The following TPT1 variants were observed in gnomAD, a reference collection of about 807,000 sequenced individuals.
TPT1 encodes translationally-controlled tumor protein.
TPT1 carries 5 observed loss-of-function variants against 22.8 expected under a neutral mutation model. The observed-to-expected ratio is 0.22, with a 90% CI of 0.11 to 0.46. TPT1 has a LOEUF of 0.46. Ranked by LOEUF, TPT1 falls within the 20% of genes least tolerant of loss-of-function variation. The probability of loss-of-function intolerance (pLI) is 0.99; values close to 1 mark genes in which losing one functional copy is unlikely to be tolerated. For synonymous variants in TPT1, 89 were observed against 73.6 expected, an observed-to-expected ratio of 1.21 and a Z score of -1.07; for missense variants, 130 against 218.7, an observed-to-expected ratio of 0.59 and a Z score of 2.56.
intron 1 of TPT1, 59 bp downstream of exon 1, chr13:45,340,983 C>T (rs1879085976): frequency 1.9e-6 from 3 of 1,579,120 alleles, no homozygotes; most frequent in African/African-American, 1.4e-5. Context: ...CCTTCCCCGC[C>T]CCCACCCGCA....
At position 45,333,864 on chromosome 13, in the gene TPT1, C is replaced by T. The variant is rs984698651; in HGVS notation, c.*3522G>A. On this transcript the variant is annotated 3_prime_UTR_variant, in exon 6 of 6. Coordinates refer to ENST00000530705, the MANE Select transcript of TPT1 (RefSeq NM_003295.4). Reference sequence around the variant, plus strand: ...AGGTAACCCTGTTGACTACTTCCTCCTTCCTAAAACTTTTTCCACCTGACC... The same window carrying T: ...AGGTAACCCTGTTGACTACTTCCTCTTTCCTAAAACTTTTTCCACCTGACC... 1 of 152,188 alleles carries T rather than the reference C, an allele frequency of 6.6e-6. No individual in the cohort carries two copies. Among genetic ancestry groups the T allele is most frequent in the Non-Finnish European group, 1.5e-5 (1 of 68,030 alleles). 9.4% of individuals were successfully genotyped at this position (152,188 alleles called of 1,614,324 possible).
chr13:45,339,742 G>T, intron 3 of TPT1, 140 bp from the exon 4 acceptor site: 1 of 789,530 alleles, frequency 1.3e-6, no homozygotes, highest in African/African-American at 1.7e-5. Flanking sequence ...TTCACAGAAG[G>T]TATCTTTCAA....
Position 45,340,111 on chromosome 13 carries a change from C to T in TPT1, c.176G>A (p.Gly59Asp). Residue 59 changes from glycine to aspartate, a missense_variant, in exon 3 of 6, where the codon GGC (glycine) becomes GAC (aspartate). Coordinates refer to ENST00000530705, the MANE Select transcript of TPT1 (RefSeq NM_003295.4). The stretch of plus-strand genomic sequence containing the variant: ...GATTACTGTGCTTTCGGTACCTTCG[C>T]CCTCGGGGCCTTCAGCGGAGGCATT... The part of the protein sequence containing the change: ...GGNASAEGPE[G>D]EGTESTVITG... 6.2e-7 allele frequency: 1 copy of T among 1,614,172 alleles called. No individual in the cohort carries two copies.
Position 45,340,194 on chromosome 13 carries a change from G to T in TPT1, c.103-10C>A, listed in dbSNP as rs1555278697. ...CTGTCCTACTGACCATCTGCATTAA[G>T]AAAAAGCAGTATAATTGCAAAAGAC... On this transcript the variant is annotated splice_polypyrimidine_tract_variant and intron_variant, in intron 2 of 5. Coordinates refer to ENST00000530705, the MANE Select transcript of TPT1 (RefSeq NM_003295.4). The T allele has an allele frequency of 6.2e-7, 1 of 1,602,750 alleles. No individual in the cohort carries two copies. The highest frequency in any genetic ancestry group is 8.5e-7 in the Non-Finnish European group (1 of 1,173,934).
At chr13:45,339,945 A>T in intron 3 of TPT1, 49 bp downstream of exon 3, 2 of 1,590,320 alleles carry the variant, frequency 1.3e-6, no homozygotes, top group Non-Finnish European at 1.7e-6. Flanking sequence ...CCAATCTTTA[A>T]ATCCTGTAAG....
Position 45,336,449 on chromosome 13 carries a change from T to G in TPT1, c.*937A>C, listed in dbSNP as rs936890343. 8 of 152,222 alleles carry G rather than the reference T, an allele frequency of 5.3e-5. No homozygotes were observed. Among genetic ancestry groups the G allele is most frequent in the Non-Finnish European group, 1.2e-4 (8 of 68,036 alleles). 9.4% of individuals were successfully genotyped at this position (152,222 alleles called of 1,614,324 possible). Reference sequence around the variant, plus strand: ...TCCAGGTCTGTCAAATAGATGCATTTTCTTATTCAGACACCCCATCTTTTC... The same window carrying G: ...TCCAGGTCTGTCAAATAGATGCATTGTCTTATTCAGACACCCCATCTTTTC... On this transcript the variant is annotated 3_prime_UTR_variant, in exon 6 of 6. Coordinates refer to ENST00000530705, the MANE Select transcript of TPT1 (RefSeq NM_003295.4).
rs1299559202 is a variant in TPT1, at chr13:45,337,229, A to G, written c.*157T>C. The G allele has an allele frequency of 4.1e-6, 3 of 731,106 alleles. No homozygotes were observed. Among genetic ancestry groups the G allele is most frequent in the Non-Finnish European group, 6.9e-6 (3 of 435,950 alleles). 45.3% of individuals were successfully genotyped at this position (731,106 alleles called of 1,614,324 possible). On this transcript the variant is annotated 3_prime_UTR_variant, in exon 6 of 6. Transcript: ENST00000530705. The stretch of plus-strand genomic sequence containing the variant: ...CAACCTACATGACATGTTTTTCTTA[A>G]AAACAATGCCTCCACTCCAAATAAA...
chr13:45,338,425 GTACTT>G (rs2137548829), intron 5 of TPT1: 1 of 757,042 alleles, frequency 1.3e-6, no homozygotes, highest in African/African-American at 1.8e-5. Flanking sequence ...AGCCTAAACT[GTACTT>G]TATTATGCCC....
intron 5 of TPT1, chr13:45,338,409 ACAC>A: frequency 3.3e-6 from 2 of 611,732 alleles, no homozygotes; most frequent in Non-Finnish European, 5.0e-6. Context: ...GTGAGCCACC[ACAC>A]CCAGCCTAAA....
Position 45,335,966 on chromosome 13 carries a change from ATCTT to A in TPT1, c.*1416_*1419del, listed in dbSNP as rs893523344. 9 of 152,266 alleles carry A rather than the reference ATCTT, an allele frequency of 5.9e-5. No individual in the cohort carries two copies. Among genetic ancestry groups the A allele is most frequent in the African/African-American group, 1.9e-4 (8 of 41,548 alleles). The allele number at this position is 152,266 out of a possible 1,614,324, so 9.4% of individuals were successfully genotyped here. On this transcript the variant is annotated 3_prime_UTR_variant, in exon 6 of 6. Coordinates refer to ENST00000530705, the MANE Select transcript of TPT1 (RefSeq NM_003295.4). Reference sequence around the variant, plus strand: ...GACCAGAGTCACTGGCCTGCTTTTAATCTTTCTTTTACAAGTGTAATCAACCAGG... The same window carrying A: ...GACCAGAGTCACTGGCCTGCTTTTAATCTTTTACAAGTGTAATCAACCAGG...
At position 45,336,701 on chromosome 13, in the gene TPT1, C is replaced by A. The variant is rs932189768; in HGVS notation, c.*685G>T. The A allele has an allele frequency of 6.6e-6, 1 of 152,262 alleles. No homozygotes were observed. Among genetic ancestry groups the A allele is most frequent in the Admixed American group, 6.5e-5 (1 of 15,282 alleles). The allele number at this position is 152,262 out of a possible 1,614,324, so 9.4% of individuals were successfully genotyped here. A position where few individuals can be genotyped will look rare whatever the true frequency, so the allele number is the denominator to read the frequency against. On this transcript the variant is annotated 3_prime_UTR_variant, in exon 6 of 6. Transcript: ENST00000530705. ...TAAATTCCATATCCCACAAGGTATT[C>A]TTTTCCCCTCAACCATTTAAAAAGG...
intron 1 of TPT1, 68 bp from the exon 2 acceptor site, chr13:45,340,853 G>A (rs867417195): frequency 4.8e-6 from 7 of 1,470,994 alleles, no homozygotes; most frequent in South Asian, 1.4e-5. Context: ...TTCCCGCGCC[G>A]GCGGCCGCAC....
At position 45,336,657 on chromosome 13, in the gene TPT1, A is replaced by T. The variant is rs1226089667; in HGVS notation, c.*729T>A. ...AATGAATAAGCATAGCCACGTTCCAATAAAACTGGACTCGAACTTAAATTC... is the reference window on the plus strand; with the variant it reads ...AATGAATAAGCATAGCCACGTTCCATTAAAACTGGACTCGAACTTAAATTC... On this transcript the variant is annotated 3_prime_UTR_variant, in exon 6 of 6. Transcript: ENST00000530705. 1 of 152,314 alleles carries T rather than the reference A, an allele frequency of 6.6e-6. No homozygotes were observed. The highest frequency in any genetic ancestry group is 1.5e-5 in the Non-Finnish European group (1 of 68,118). The allele number at this position is 152,314 out of a possible 1,614,324, so 9.4% of individuals were successfully genotyped here.
chr13:45,339,884 G>T, intron 3 of TPT1, 110 bp downstream of exon 3: 2 of 1,248,758 alleles, frequency 1.6e-6, no homozygotes, highest in Non-Finnish European at 1.1e-6. Context: ...TAATAAAAAA[G>T]CAAGGACTTT....
chr13:45,339,979 G>A lies in TPT1; in HGVS notation c.293+15C>T, dbSNP rs894061657. On this transcript the variant is annotated intron_variant, in intron 3 of 5. Coordinates refer to ENST00000530705, the MANE Select transcript of TPT1 (RefSeq NM_003295.4). ...AGATTCTAGACATCAGCTAGGTACT[G>A]CCAGTATCACTTACGATTTCATGTA... The A allele has an allele frequency of 5.0e-6, 8 of 1,613,238 alleles. No individual in the cohort carries two copies. The highest frequency in any genetic ancestry group is 1.7e-5 in the Admixed American group (1 of 59,934).
At position 45,339,550 on chromosome 13, in the gene TPT1, T is replaced by A; in HGVS notation, c.346A>T (p.Thr116Ser). The part of the protein sequence containing the change: ...QRPERVKPFM[T>S]GAAEQIKHIL... The stretch of plus-strand genomic sequence containing the variant: ...TGCTTGATTTGTTCTGCAGCCCCTG[T>A]CATAAAAGGTTTTACTCTTTCTGGT... The change falls in exon 4 of 6, where the codon ACA (threonine) becomes TCA (serine). Residue 116 changes from threonine (T) to serine (S), a missense_variant. Thr to Ser is a moderately conservative substitution (Grantham distance 58). Coordinates refer to ENST00000530705, the MANE Select transcript of TPT1 (RefSeq NM_003295.4). The A allele has an allele frequency of 6.2e-7, 1 of 1,613,960 alleles. No homozygotes were observed. The highest frequency in any genetic ancestry group is 8.5e-7 in the Non-Finnish European group (1 of 1,179,986).
intron 5 of TPT1, chr13:45,337,654 T>TCC (rs1230417083): frequency 8.0e-7 from 1 of 1,249,812 alleles, no homozygotes; most frequent in Admixed American, 1.7e-5. Context: ...CAGAAGGCTG[T>TCC]GGCATGTACC....
Position 45,340,627 on chromosome 13 carries a change from G to A in TPT1, c.102+85C>T, listed in dbSNP as rs541595368. The A allele has an allele frequency of 2.9e-5, 42 of 1,451,466 alleles. No homozygotes were observed. The South Asian group carries it at 4.4e-4, about 15-fold the overall frequency. 89.9% of individuals were successfully genotyped at this position (1,451,466 alleles called of 1,614,324 possible). A position where few individuals can be genotyped will look rare whatever the true frequency, so the allele number is the denominator to read the frequency against. On this transcript the variant is annotated intron_variant, in intron 2 of 5. Transcript: ENST00000530705. Reference sequence around the variant, plus strand: ...TCCTCCGCCAGGAGGCGGCGGGGAGGATTGCACAACCTCAGGCGGGGGAGC... The same window carrying A: ...TCCTCCGCCAGGAGGCGGCGGGGAGAATTGCACAACCTCAGGCGGGGGAGC...
intron 1 of TPT1, 121 bp from the exon 2 acceptor site, chr13:45,340,906 C>A: frequency 1.3e-6 from 2 of 1,494,774 alleles, no homozygotes; most frequent in East Asian, 2.5e-5. Context: ...TGGGCGCGAG[C>A]CCCGGGCACC....
Sources: gnomAD v4.1 joint callset for allele counts on GRCh38, gnomAD v4.1.1 for gene constraint, MANE v1.5 for transcripts, NCBI Gene and HGNC (gene_info 2026-07-23, HGNC 2026-07-21) for gene names.